ATP13A3: variants seen among roughly 807,000 people sequenced by gnomAD.
The protein encoded by ATP13A3 is ATPase 13A3, also known as polyamine-transporting ATPase 13A3.
Under a neutral mutation model 158.1 loss-of-function variants are expected in ATP13A3, and 59 were observed. The ratio of observed to expected loss-of-function variants is 0.37; its 90% confidence interval spans 0.30 to 0.46. The LOEUF (loss-of-function observed/expected upper bound fraction) is 0.46, where lower values mean the gene tolerates loss of function less well. Ranked by LOEUF, ATP13A3 falls within the 20% of genes least tolerant of loss-of-function variation. ATP13A3 has a pLI of 1.00. For missense variants in ATP13A3, 1,166 were observed against 1,525.2 expected (o/e 0.76, Z 3.92); for synonymous variants, 491 against 504.3 (o/e 0.97, Z 0.35).
intron 27 of ATP13A3, among the ~76,000 whole-genome samples, chr3:194,429,371 T>C (rs1717050054): frequency 6.6e-6 from 1 of 152,348 alleles, no homozygotes; most frequent in South Asian, 2.1e-4. Context: ...AGTGTCACCA[T>C]GAGTCTTTAG....
At chr3:194,413,631 T>C in intron 32 of ATP13A3, 128 bp downstream of exon 32, 1 of 837,528 alleles carries the variant, frequency 1.2e-6, no homozygotes, top group South Asian at 1.6e-5. Flanking sequence ...GCTAAATGAA[T>C]TTGCCTGAGA....
At chr3:194,429,951 C>G in intron 26 of ATP13A3, 121 bp downstream of exon 26, 2 of 1,023,032 alleles carry the variant, frequency 2.0e-6, no homozygotes, top group Non-Finnish European at 1.4e-6. Flanking sequence ...TAATAAGTTA[C>G]AGCTCAAATG....
At chr3:194,487,502 CAT>C (rs1721060063), upstream of ATP13A3, 1 of 152,326 alleles carries the variant, frequency 6.6e-6, no homozygotes, top group South Asian at 2.1e-4. Context: ...CTGTCATTCT[CAT>C]ATGACCACGG....
Position 194,447,202 on chromosome 3 carries a change from C to A in ATP13A3, c.1309-87G>T, listed in dbSNP as rs543589809. ...ATTTCTTTAGTGAAAATCTGTAAGC[C>A]ATTTTCAATTGTATATTTCAATTTT... On this transcript the variant is annotated intron_variant, in intron 13 of 33. Coordinates refer to ENST00000645319, the MANE Select transcript of ATP13A3 (RefSeq NM_001367549.1). The A allele has an allele frequency of 5.7e-5, 64 of 1,129,266 alleles. No homozygotes were observed. The African/African-American group carries it at 9.7e-4, about 17-fold the overall frequency. 70.0% of individuals were successfully genotyped at this position (1,129,266 alleles called of 1,614,324 possible). A position where few individuals can be genotyped will look rare whatever the true frequency, so the allele number is the denominator to read the frequency against.
In ATP13A3 at chr3:194,477,284, A is replaced by T. The variant is rs562908563; in HGVS notation, c.-47+8510T>A. Among the ~76,000 whole-genome samples the T allele has an allele frequency of 2.2e-4, 34 of 152,276 alleles. 1 individual carries two copies. Among genetic ancestry groups the T allele is most frequent in the Admixed American group, 1.9e-3 (29 of 15,292 alleles). ...CAGGTATCAGAGCACTTTTCCAACA[A>T]CGTTGAACTTATAGACTAAAAACCT... On this transcript the variant is annotated intron_variant, in intron 2 of 33. Coordinates refer to ENST00000645319, the MANE Select transcript of ATP13A3 (RefSeq NM_001367549.1).
intron 8 of ATP13A3, 105 bp downstream of exon 8, chr3:194,455,788 A>T: frequency 1.3e-6 from 1 of 757,226 alleles, no homozygotes; most frequent in Non-Finnish European, 2.2e-6. Flanking sequence ...AATATGAAAA[A>T]GAGGTTAGGA....
intron 33 of ATP13A3, among the ~76,000 whole-genome samples, chr3:194,410,394 A>C (rs1239122737): frequency 6.9e-6 from 1 of 145,002 alleles, no homozygotes; most frequent in African/African-American, 2.5e-5. Flanking sequence ...GTGAAACCCT[A>C]TCTCTACAAA....
At chr3:194,461,426 C>T (rs1170653782) in intron 3 of ATP13A3, among the ~76,000 whole-genome samples, 3 of 152,194 alleles carry the variant, frequency 2.0e-5, no homozygotes, top group East Asian at 3.9e-4. Context: ...ACAATATAAT[C>T]GAGAGTATCA....
intron 16 of ATP13A3, 99 bp downstream of exon 16, chr3:194,441,212 T>C: frequency 1.0e-6 from 1 of 956,296 alleles, no homozygotes; most frequent in Admixed American, 2.5e-5. Context: ...AGATAGACTG[T>C]CATTAAAACA....
chr3:194,460,685 G>A lies in ATP13A3; in HGVS notation c.198C>T (p.Asp66=). 1 of 1,614,082 alleles carries A rather than the reference G, an allele frequency of 6.2e-7. No individual in the cohort carries two copies. The highest frequency in any genetic ancestry group is 2.2e-5 in the East Asian group (1 of 44,878). Residue 66 remains aspartate, a synonymous_variant, in exon 4 of 34, where the codon GAC becomes GAT. Coordinates refer to ENST00000645319, the MANE Select transcript of ATP13A3 (RefSeq NM_001367549.1). ...KATCVRAAIK[D]CEVVLLRTTD... The stretch of plus-strand genomic sequence containing the variant: ...TAGTCCTCAGCAGCACTACTTCACA[G>A]TCTTTAATTGCAGCTCTGACACAGG...
At chr3:194,487,154 AAAAG>A (rs1407344050), upstream of ATP13A3, among the ~76,000 whole-genome samples, 2 of 152,084 alleles carry the variant, frequency 1.3e-5, no homozygotes, top group Non-Finnish European at 2.9e-5. Context: ...TCGAACGGGC[AAAAG>A]AAAGAAAGAG....
intron 2 of ATP13A3, among the ~76,000 whole-genome samples, chr3:194,480,034 TAAC>T (rs992604393): frequency 6.6e-6 from 1 of 152,126 alleles, no homozygotes; most frequent in East Asian, 1.9e-4. Flanking sequence ...CTGTTCCAGT[TAAC>T]AAAAAAACAA....
At chr3:194,469,490 T>C (rs1720198344) in intron 2 of ATP13A3, among the ~76,000 whole-genome samples, 1 of 151,946 alleles carries the variant, frequency 6.6e-6, no homozygotes, top group African/African-American at 2.4e-5. Flanking sequence ...CAAAAATAAA[T>C]AAGTATAAAA....
Position 194,430,135 on chromosome 3 carries a change from G to C in ATP13A3, c.2714C>G (p.Ala905Gly), listed in dbSNP as rs1214675872. ...AGAGGTAAAGGGAGATGCCACTGAAGCTTCGAGCTCCGATAAGGAAATGCC... is the reference window on the plus strand; with the variant it reads ...AGAGGTAAAGGGAGATGCCACTGAACCTTCGAGCTCCGATAAGGAAATGCC... Reference protein sequence around the residue: ...HGGISLSELEASVASPFTSKT... With the variant: ...HGGISLSELEGSVASPFTSKT... The change falls in exon 26 of 34, where the codon GCT (alanine) becomes GGT (glycine). Residue 905 changes from alanine (A) to glycine (G), a missense_variant. Ala to Gly is a moderately conservative substitution (Grantham distance 60). This residue lies in a region of ATP13A3 where 997 missense variants were observed against 1,341.2 expected (regional missense o/e 0.74). Transcript: ENST00000645319. 11 of 1,614,122 alleles carry C rather than the reference G, an allele frequency of 6.8e-6. No homozygotes were observed. The highest frequency in any genetic ancestry group is 9.3e-6 in the Non-Finnish European group (11 of 1,180,012).
chr3:194,475,961 C>T lies in ATP13A3; in HGVS notation c.-47+9833G>A, dbSNP rs534534800. On this transcript the variant is annotated intron_variant, in intron 2 of 33. Transcript: ENST00000645319. Reference sequence around the variant, plus strand: ...CATGGGGTGACTTTACATCAAAAAGCCTTACCAACAAATTTAAGGAATGAC... The same window carrying T: ...CATGGGGTGACTTTACATCAAAAAGTCTTACCAACAAATTTAAGGAATGAC... Among the ~76,000 whole-genome samples the T allele has an allele frequency of 5.3e-5, 8 of 152,262 alleles. No individual in the cohort carries two copies. In the South Asian group the frequency reaches 1.2e-3, roughly 24 times the overall value.
intron 31 of ATP13A3, among the ~76,000 whole-genome samples, chr3:194,416,844 T>C (rs558699274): frequency 6.6e-6 from 1 of 152,222 alleles, no homozygotes; most frequent in South Asian, 2.1e-4. Flanking sequence ...AAGATGAATA[T>C]CTAAAACAAC....
chr3:194,439,056 T>A, intron 16 of ATP13A3, 84 bp from the exon 17 acceptor site: 4 of 831,392 alleles, frequency 4.8e-6, no homozygotes, highest in Non-Finnish European at 1.9e-6. Context: ...GTTCCATTTT[T>A]AAATAGAACA....
At chr3:194,413,297 C>T (rs1250655068) in intron 32 of ATP13A3, among the ~76,000 whole-genome samples, 1 of 152,158 alleles carries the variant, frequency 6.6e-6, no homozygotes, top group Admixed American at 6.5e-5. Flanking sequence ...AAGTCCATAA[C>T]GATTATTATT....
At chr3:194,436,306 C>T (rs184314434) in intron 20 of ATP13A3, among the ~76,000 whole-genome samples, 2 of 152,210 alleles carry the variant, frequency 1.3e-5, no homozygotes, top group Non-Finnish European at 2.9e-5. Context: ...AGTGACAATC[C>T]TTGAATATGA....
Sources: gnomAD v4.1 joint callset for allele counts (sites outside exome capture counted in the v4.1 genomes callset) on GRCh38, gnomAD v4.1.1 for gene constraint, gnomAD v4.1.1 regional missense constraint, MANE v1.5 for transcripts, NCBI Gene and HGNC (gene_info 2026-07-23, HGNC 2026-07-21) for gene names.